Variants in NRROS observed in about 807,000 individuals in gnomAD.
NRROS encodes negative regulator of reactive oxygen species.
Under a neutral mutation model 12.0 loss-of-function variants are expected in NRROS, and 6 were observed. That is an observed-to-expected ratio of 0.50 (90% CI 0.27 to 0.98). The LOEUF is 0.98. Ranked by LOEUF, NRROS falls within the 50% of genes least tolerant of loss-of-function variation. NRROS has a pLI of 0.11. For missense variants in NRROS, 857 were observed against 888.2 expected (o/e 0.96, Z 0.45); for synonymous variants, 462 against 410.2 (o/e 1.13, Z -1.53).
intron 1 of NRROS, among the ~76,000 whole-genome samples, chr3:196,652,880 G>T (rs143815774): frequency 6.6e-6 from 1 of 152,154 alleles, no homozygotes; most frequent in African/African-American, 2.4e-5. Flanking sequence ...GAGGAAGGGA[G>T]GGTTCTTACC....
At position 196,654,842 on chromosome 3, in the gene NRROS, C is replaced by T; in HGVS notation, c.108+195C>T. 4 of 560,912 alleles carry T rather than the reference C, an allele frequency of 7.1e-6. No individual in the cohort carries two copies. In the South Asian group the frequency reaches 8.9e-5, roughly 12 times the overall value. The allele number at this position is 560,912 out of a possible 1,614,324, so 34.7% of individuals were successfully genotyped here. On this transcript the variant is annotated intron_variant, in intron 2 of 2. Coordinates refer to ENST00000328557, the MANE Select transcript of NRROS (RefSeq NM_198565.3). The surrounding 1 kb of genome is among the most constrained non-coding windows in gnomAD (Gnocchi z 4.4). ...TTTTAAGATGCTTCCTGGGAAGAGC[C>T]AGGCAGTCCCTGCCCCGCCGTTCTC...
intron 2 of NRROS, 137 bp from the exon 3 acceptor site, chr3:196,659,615 A>G: frequency 1.1e-6 from 1 of 901,326 alleles, no homozygotes; most frequent in South Asian, 1.8e-5. Context: ...GGCCTTGTCT[A>G]TCCTATTTTT....
chr3:196,645,768 T>TA (rs1023006251), intron 1 of NRROS, among the ~76,000 whole-genome samples: 1 of 152,034 alleles, frequency 6.6e-6, no homozygotes, highest in Non-Finnish European at 1.5e-5. Context: ...TCATCACCCA[T>TA]AAAAAACCCC....
chr3:196,655,602 C>T (rs545597587), intron 2 of NRROS, among the ~76,000 whole-genome samples: 42 of 152,212 alleles, frequency 2.8e-4, no homozygotes, highest in Admixed American at 3.3e-4. Context: ...TGAGAATCTC[C>T]GGGTGAGGTG....
In NRROS at chr3:196,654,910, A is replaced by T. The variant is rs994525651; in HGVS notation, c.108+263A>T. The T allele has an allele frequency of 1.0e-5, 4 of 399,670 alleles. No homozygotes were observed. Among genetic ancestry groups the T allele is most frequent in the African/African-American group, 4.2e-5 (2 of 48,012 alleles). The allele number at this position is 399,670 out of a possible 1,614,324, so 24.8% of individuals were successfully genotyped here. ...GAGGCATCCGAGACCAGCCTAGGGC[A>T]TCCTCCCGGAACAAGAACAACTTGT... On this transcript the variant is annotated intron_variant, in intron 2 of 2. Transcript: ENST00000328557. This position sits in a 1 kb window ranked among gnomAD's most constrained non-coding sequence, Gnocchi z 4.4.
chr3:196,644,913 T>A (rs900778801), intron 1 of NRROS, among the ~76,000 whole-genome samples: 10 of 151,970 alleles, frequency 6.6e-5, no homozygotes, highest in African/African-American at 2.4e-4. Context: ...CAATCCCATC[T>A]GTGAATAACT....
At position 196,660,078 on chromosome 3, in the gene NRROS, G is replaced by A; in HGVS notation, c.435G>A (p.Thr145=). The part of the protein sequence containing the change: ...RRLDLSGNAL[T]EDMAALMLQN... Reference sequence around the variant, plus strand: ...TGGACTTGTCAGGAAACGCCCTGACGGAGGACATGGCAGCCCTCATGCTCC... The same window carrying A: ...TGGACTTGTCAGGAAACGCCCTGACAGAGGACATGGCAGCCCTCATGCTCC... Residue 145 remains threonine, a synonymous_variant, in exon 3 of 3, where the codon ACG becomes ACA. Transcript: ENST00000328557. The surrounding 1 kb of genome is among the most constrained non-coding windows in gnomAD (Gnocchi z 7.7). The A allele has an allele frequency of 2.5e-6, 4 of 1,613,226 alleles. No homozygotes were observed. Among genetic ancestry groups the A allele is most frequent in the Non-Finnish European group, 3.4e-6 (4 of 1,179,940 alleles).
chr3:196,652,601 T>C (rs1167736489), intron 1 of NRROS, among the ~76,000 whole-genome samples: 1 of 152,212 alleles, frequency 6.6e-6, no homozygotes, highest in Non-Finnish European at 1.5e-5. Flanking sequence ...AGTTTTTTTC[T>C]GGGCTGGTTG....
rs1185575401 is a variant in NRROS at position 196,661,373 on chromosome 3, C to A, written c.1730C>A (p.Ala577Asp). 1 of 1,573,906 alleles carries A rather than the reference C, an allele frequency of 6.4e-7. No individual in the cohort carries two copies. The highest frequency in any genetic ancestry group is 1.4e-5 in the African/African-American group (1 of 74,048). The change falls in exon 3 of 3, where the codon GCT becomes GAT. Residue 577 changes from alanine to aspartate, a missense_variant. Physicochemically the swap from Ala to Asp is moderately radical, Grantham distance 126. Transcript: ENST00000328557. ...TCGCTCACAGCCCTTCCCCAGAAGG[C>A]TGTGTCTGAGCAGCTCTCGAGAGGT... ...RNSLTALPQKAVSEQLSRGLR... is the reference protein window; with the variant it reads ...RNSLTALPQKDVSEQLSRGLR...
At chr3:196,657,211 A>C (rs536508466) in intron 2 of NRROS, among the ~76,000 whole-genome samples, 1 of 151,698 alleles carries the variant, frequency 6.6e-6, no homozygotes, top group Non-Finnish European at 1.5e-5. Context: ...ATCAAAAAAA[A>C]AAAAAAGAAA....
In NRROS at chr3:196,654,434, A is replaced by G. The variant is rs1654804132; in HGVS notation, c.-13-93A>G. Reference sequence around the variant, plus strand: ...GAGCTCCACAGAGCTCCAAGACCACATAGAATTGGAACTGGCTCCTTCTGC... The same window carrying G: ...GAGCTCCACAGAGCTCCAAGACCACGTAGAATTGGAACTGGCTCCTTCTGC... On this transcript the variant is annotated intron_variant, in intron 1 of 2. Coordinates refer to ENST00000328557, the MANE Select transcript of NRROS (RefSeq NM_198565.3). This position sits in a 1 kb window ranked among gnomAD's most constrained non-coding sequence, Gnocchi z 4.4. 2 of 792,222 alleles carry G rather than the reference A, an allele frequency of 2.5e-6. No individual in the cohort carries two copies. The highest frequency in any genetic ancestry group is 1.4e-5 in the South Asian group (1 of 72,590). 49.1% of individuals were successfully genotyped at this position (792,222 alleles called of 1,614,324 possible).
chr3:196,642,143 C>T (rs916144379), intron 1 of NRROS, among the ~76,000 whole-genome samples: 3 of 151,932 alleles, frequency 2.0e-5, no homozygotes, highest in African/African-American at 4.8e-5. Flanking sequence ...AGCTCAGAGA[C>T]GTGAAGGAAA....
chr3:196,654,437 G>T lies in NRROS; in HGVS notation c.-13-90G>T. Reference sequence around the variant, plus strand: ...CTCCACAGAGCTCCAAGACCACATAGAATTGGAACTGGCTCCTTCTGCCGA... The same window carrying T: ...CTCCACAGAGCTCCAAGACCACATATAATTGGAACTGGCTCCTTCTGCCGA... On this transcript the variant is annotated intron_variant, in intron 1 of 2. Coordinates refer to ENST00000328557, the MANE Select transcript of NRROS (RefSeq NM_198565.3). This position sits in a 1 kb window ranked among gnomAD's most constrained non-coding sequence, Gnocchi z 4.4. 1.2e-6 allele frequency: 1 copy of T among 800,670 alleles called. No individual in the cohort carries two copies. The highest frequency in any genetic ancestry group is 2.4e-5 in the East Asian group (1 of 41,016). The allele number at this position is 800,670 out of a possible 1,614,324, so 49.6% of individuals were successfully genotyped here.
rs535743606 is a variant in NRROS at position 196,644,158 on chromosome 3, G to A, written c.-14+4283G>A. Among the ~76,000 whole-genome samples the A allele has an allele frequency of 2.0e-5, 3 of 152,202 alleles. No individual in the cohort carries two copies. The South Asian group carries it at 6.2e-4, about 32-fold the overall frequency. Reference sequence around the variant, plus strand: ...CCCCAGTTTTCTTCTAGGCTCTCTGGCTAGAGAAGGTTAGAGCCATTTTGA... The same window carrying A: ...CCCCAGTTTTCTTCTAGGCTCTCTGACTAGAGAAGGTTAGAGCCATTTTGA... On this transcript the variant is annotated intron_variant, in intron 1 of 2. Transcript: ENST00000328557.
At chr3:196,646,415 GACCT>G (rs1737312624) in intron 1 of NRROS, among the ~76,000 whole-genome samples, 1 of 152,208 alleles carries the variant, frequency 6.6e-6, no homozygotes, top group Non-Finnish European at 1.5e-5. Flanking sequence ...TGACACCGAG[GACCT>G]ACCACCAGCC....
intron 1 of NRROS, among the ~76,000 whole-genome samples, chr3:196,641,770 C>G (rs1424844549): frequency 6.6e-6 from 1 of 152,120 alleles, no homozygotes; most frequent in Non-Finnish European, 1.5e-5. Flanking sequence ...CGGTGTGCGT[C>G]CACACTGCAC....
At chr3:196,644,048 G>A (rs1047334600) in intron 1 of NRROS, among the ~76,000 whole-genome samples, 4 of 152,146 alleles carry the variant, frequency 2.6e-5, no homozygotes, top group Admixed American at 6.5e-5. Flanking sequence ...CATGGGCCTC[G>A]GCCGTTCTCT....
chr3:196,645,978 A>G (rs757060077), intron 1 of NRROS, among the ~76,000 whole-genome samples: 37 of 152,242 alleles, frequency 2.4e-4, no homozygotes, highest in Non-Finnish European at 4.7e-4. Flanking sequence ...TCACTATGGA[A>G]AGCGTCTGTC....
At chr3:196,651,421 G>A (rs921887108) in intron 1 of NRROS, among the ~76,000 whole-genome samples, 4 of 152,118 alleles carry the variant, frequency 2.6e-5, no homozygotes, top group African/African-American at 9.7e-5. Flanking sequence ...TCAACACAGC[G>A]ACGAGCAGCT....
Sources: gnomAD v4.1 joint callset for allele counts (sites outside exome capture counted in the v4.1 genomes callset) on GRCh38, gnomAD v4.1.1 for gene constraint, Gnocchi (gnomAD v3.1) non-coding constraint, MANE v1.5 for transcripts, NCBI Gene and HGNC (gene_info 2026-07-23, HGNC 2026-07-21) for gene names.